The following CRACDL variants were observed in gnomAD, a reference collection of about 807,000 sequenced individuals.
CRACDL encodes the protein CRACD like.
Under a neutral mutation model 70.6 loss-of-function variants are expected in CRACDL, and 26 were observed. The ratio of observed to expected loss-of-function variants is 0.37; its 90% CI spans 0.27 to 0.51. CRACDL has a LOEUF of 0.51. Among genes scored for constraint, CRACDL ranks in the 20% least tolerant of loss-of-function variants. The probability of loss-of-function intolerance (pLI) is 0.94; values close to 1 mark genes in which losing one functional copy is unlikely to be tolerated. For missense variants in CRACDL, 1,283 were observed against 1,376.9 expected (o/e 0.93, Z 1.08); for synonymous variants, 618 against 615.2 (o/e 1.00, Z -0.07).
chr2:98,920,383 T>C (rs6739176), intron 1 of CRACDL, among the ~76,000 whole-genome samples: 77,538 of 152,032 alleles, frequency 0.51, 21,404 homozygotes, highest in African/African-American at 0.71. Context: ...ACTTCGCATG[T>C]GTAGGCACTG....
intron 1 of CRACDL, among the ~76,000 whole-genome samples, chr2:98,907,243 G>A (rs1448837088): frequency 6.6e-6 from 1 of 152,206 alleles, no homozygotes; most frequent in Non-Finnish European, 1.5e-5. Flanking sequence ...GGTGAGCCAA[G>A]ATCGCGCCAT....
chr2:98,879,077 G>A (rs146287995), intron 1 of CRACDL, among the ~76,000 whole-genome samples: 13 of 152,080 alleles, frequency 8.5e-5, no homozygotes, highest in East Asian at 3.9e-4. Context: ...CCCTTCCTCC[G>A]AGCCCCTGCC....
intron 1 of CRACDL, among the ~76,000 whole-genome samples, chr2:98,854,414 GA>G (rs542964690): frequency 1.8e-4 from 27 of 151,190 alleles, no homozygotes; most frequent in African/African-American, 6.5e-4. Flanking sequence ...TTGACCTTGA[GA>G]TAAGCAAAGA....
chr2:98,905,391 C>T (rs900210780), intron 1 of CRACDL, among the ~76,000 whole-genome samples: 3 of 152,144 alleles, frequency 2.0e-5, no homozygotes, highest in African/African-American at 4.8e-5. Flanking sequence ...GATGCCAGCA[C>T]CACATTCCCT....
intron 1 of CRACDL, among the ~76,000 whole-genome samples, chr2:98,878,147 A>G (rs886525585): frequency 2.6e-5 from 4 of 152,086 alleles, no homozygotes; most frequent in Non-Finnish European, 4.4e-5. Flanking sequence ...GGGTTTCACC[A>G]TGTTGGCCAG....
chr2:98,920,812 G>C (rs1459484483), intron 1 of CRACDL, among the ~76,000 whole-genome samples: 1 of 152,178 alleles, frequency 6.6e-6, no homozygotes, highest in Non-Finnish European at 1.5e-5. Context: ...CCCCTGTCAA[G>C]TGTGAAAGCA....
intron 8 of CRACDL, among the ~76,000 whole-genome samples, chr2:98,797,120 C>G (rs747154866): frequency 5.9e-5 from 9 of 152,220 alleles, no homozygotes; most frequent in Non-Finnish European, 1.2e-4. Flanking sequence ...CTCTGCATCC[C>G]CAACAGCTCA....
At chr2:98,849,579 G>T (rs191297729) in intron 1 of CRACDL, among the ~76,000 whole-genome samples, 108 of 152,082 alleles carry the variant, frequency 7.1e-4, no homozygotes, top group Non-Finnish European at 1.3e-3. Context: ...GGCCGGGGAG[G>T]GGGGAGCATG....
At chr2:98,831,726 G>A (rs2104497562) in intron 5 of CRACDL, among the ~76,000 whole-genome samples, 1 of 152,342 alleles carries the variant, frequency 6.6e-6, no homozygotes. Flanking sequence ...GCACGAGAAA[G>A]AGCTCGTGCT....
At chr2:98,875,746 G>A (rs1175283801) in intron 1 of CRACDL, among the ~76,000 whole-genome samples, 1 of 152,208 alleles carries the variant, frequency 6.6e-6, no homozygotes, top group Non-Finnish European at 1.5e-5. Context: ...TCAGCACGAA[G>A]GACAGAAATA....
chr2:98,831,602 T>A (rs1705546507), intron 5 of CRACDL, among the ~76,000 whole-genome samples: 1 of 152,264 alleles, frequency 6.6e-6, no homozygotes, highest in Non-Finnish European at 1.5e-5. Context: ...ATGGGAAGGA[T>A]GACCACCTAT....
Position 98,815,374 on chromosome 2 carries a change from T to A in CRACDL, c.2416+6483A>T, listed in dbSNP as rs190116826. On this transcript the variant is annotated intron_variant, in intron 7 of 9. Coordinates refer to ENST00000397899, the MANE Select transcript of CRACDL (RefSeq NM_207362.3). ...GCAGCTCAGGGATGAGCCCAGAACT[T>A]CATACACACATTTAAAGGATATCTA... Among the ~76,000 whole-genome samples, 749 of 152,332 alleles carry A rather than the reference T, an allele frequency of 4.9e-3. 1 individual carries two copies. Among genetic ancestry groups the A allele is most frequent in the African/African-American group, 0.016 (671 of 41,574 alleles).
intron 1 of CRACDL, among the ~76,000 whole-genome samples, chr2:98,924,960 G>C (rs1175927673): frequency 2.0e-5 from 3 of 152,292 alleles, no homozygotes; most frequent in Admixed American, 6.5e-5. Context: ...ACCTCGCAGA[G>C]TGCAGAGGAG....
chr2:98,808,920 G>C (rs1259702045), intron 7 of CRACDL, among the ~76,000 whole-genome samples: 3 of 152,156 alleles, frequency 2.0e-5, no homozygotes, highest in Non-Finnish European at 2.9e-5. Flanking sequence ...TGGGAGGTGG[G>C]CTGCACCTGT....
At chr2:98,804,572 G>A (rs1398289672) in intron 7 of CRACDL, among the ~76,000 whole-genome samples, 3 of 152,082 alleles carry the variant, frequency 2.0e-5, no homozygotes, top group African/African-American at 7.2e-5. Context: ...GCCACATTTT[G>A]GGGCACTAGG....
At chr2:98,886,968 A>G (rs935773784) in intron 1 of CRACDL, among the ~76,000 whole-genome samples, 2 of 152,234 alleles carry the variant, frequency 1.3e-5, no homozygotes, top group Non-Finnish European at 2.9e-5. Context: ...GAAAACATAT[A>G]TAAAGGAGAG....
intron 3 of CRACDL, among the ~76,000 whole-genome samples, chr2:98,835,795 G>A (rs7585419): frequency 0.046 from 7,004 of 152,220 alleles, 542 homozygotes; most frequent in African/African-American, 0.16. Context: ...GTTAGCAAGT[G>A]TACAGTGAAT....
Position 98,794,214 on chromosome 2 carries a change from T to G in CRACDL, c.*318A>C. 1 of 217,034 alleles carries G rather than the reference T, an allele frequency of 4.6e-6. No individual in the cohort carries two copies. The allele number at this position is 217,034 out of a possible 1,614,324, so 13.4% of individuals were successfully genotyped here. On this transcript the variant is annotated 3_prime_UTR_variant, in exon 10 of 10. Transcript: ENST00000397899. ...CTGGGTGTCCTATTTATGTGTCCAA[T>G]TTCATTTCTATTTTCTTCCTTGTCT...
chr2:98,918,539 CAAAAAA>C (rs58312556), intron 1 of CRACDL, among the ~76,000 whole-genome samples: 7,241 of 66,248 alleles, frequency 0.11, 567 homozygotes, highest in African/African-American at 0.26. Flanking sequence ...TGTTGTCTAC[CAAAAAA>C]AAAAAAAAAA....
Sources: allele counts gnomAD v4.1 joint callset (sites outside exome capture counted in the v4.1 genomes callset), GRCh38; gene constraint gnomAD v4.1.1; transcripts MANE v1.5; gene names NCBI Gene and HGNC (gene_info 2026-07-23, HGNC 2026-07-21).